The following MACROD2 variants were observed in gnomAD, a reference collection of about 807,000 sequenced individuals.
MACROD2 encodes ADP-ribose glycohydrolase MACROD2.
Under a neutral mutation model 70.4 loss-of-function variants are expected in MACROD2, and 36 were observed. That is an observed-to-expected ratio of 0.51 (90% CI 0.39 to 0.68). The LOEUF (loss-of-function observed/expected upper bound fraction) is 0.68, where lower values mean the gene tolerates loss of function less well. Among genes scored for constraint, MACROD2 ranks in the 30% least tolerant of loss-of-function variants. MACROD2 has a pLI of 0.00. For synonymous variants in MACROD2, 172 were observed against 178.8 expected, an observed-to-expected ratio of 0.96 and a Z score of 0.30; for missense variants, 496 against 538.4, an observed-to-expected ratio of 0.92 and a Z score of 0.78.
intron 5 of MACROD2, among the ~76,000 whole-genome samples, chr20:14,892,448 T>A (rs971078852): frequency 6.6e-6 from 1 of 151,908 alleles, no homozygotes; most frequent in East Asian, 1.9e-4. Flanking sequence ...GGCAATAGAG[T>A]GAGACTCCAT....
intron 10 of MACROD2, among the ~76,000 whole-genome samples, chr20:15,928,581 C>T (rs1230485073): frequency 1.3e-5 from 2 of 152,230 alleles, no homozygotes; most frequent in South Asian, 2.1e-4. Flanking sequence ...AATCTTAACA[C>T]GCCTGTGTCT....
chr20:14,205,315 C>T (rs1372074011), intron 3 of MACROD2, among the ~76,000 whole-genome samples: 1 of 152,122 alleles, frequency 6.6e-6, no homozygotes. Context: ...GTCTCATGAC[C>T]AGGAAGAAAT....
intron 5 of MACROD2, among the ~76,000 whole-genome samples, chr20:15,098,357 G>A (rs115152200): frequency 0.034 from 5,203 of 152,170 alleles, 146 homozygotes; most frequent in South Asian, 0.11. Flanking sequence ...TTTGGGTGGC[G>A]GCTCTGTAGC....
At chr20:14,486,426 A>T (rs888034720) in intron 3 of MACROD2, among the ~76,000 whole-genome samples, 3 of 151,806 alleles carry the variant, frequency 2.0e-5, no homozygotes, top group African/African-American at 7.3e-5. Context: ...AAGTACCTAG[A>T]TCAGCAGCCT....
At chr20:15,588,486 G>T (rs1352062205) in intron 8 of MACROD2, among the ~76,000 whole-genome samples, 1 of 152,048 alleles carries the variant, frequency 6.6e-6, no homozygotes, top group Non-Finnish European at 1.5e-5. Context: ...AAAAAAATGG[G>T]GTTTTCTTTT....
At chr20:15,120,958 G>A (rs189524956) in intron 5 of MACROD2, among the ~76,000 whole-genome samples, 4 of 152,232 alleles carry the variant, frequency 2.6e-5, no homozygotes, top group East Asian at 1.9e-4. Flanking sequence ...ATCCAGAAGC[G>A]CTGTCGGAAA....
intron 13 of MACROD2, among the ~76,000 whole-genome samples, chr20:15,983,428 A>G (rs1372863023): frequency 6.6e-6 from 1 of 152,170 alleles, no homozygotes; most frequent in African/African-American, 2.4e-5. Context: ...ACCACCACAC[A>G]TCTGCTTGGG....
intron 8 of MACROD2, among the ~76,000 whole-genome samples, chr20:15,749,177 T>C (rs2051231242): frequency 6.6e-6 from 1 of 152,142 alleles, no homozygotes; most frequent in South Asian, 2.1e-4. Flanking sequence ...ATATCTTAAA[T>C]TGTTTTTTAT....
At chr20:15,309,255 G>T (rs1420584466) in intron 6 of MACROD2, among the ~76,000 whole-genome samples, 1 of 152,168 alleles carries the variant, frequency 6.6e-6, no homozygotes, top group Non-Finnish European at 1.5e-5. Flanking sequence ...AGAATTTCTA[G>T]AATTTGCTTC....
chr20:14,684,658 C>G (rs12329495), intron 4 of MACROD2, among the ~76,000 whole-genome samples, 185 bp from the exon 5 acceptor site: 8 of 146,996 alleles, frequency 5.4e-5, no homozygotes, highest in South Asian at 2.2e-4. Context: ...ACCCCCCCCC[C>G]CCGGCCCCCG....
intron 4 of MACROD2, among the ~76,000 whole-genome samples, chr20:14,530,163 G>C (rs187838176): frequency 2.0e-5 from 3 of 152,294 alleles, no homozygotes; most frequent in Admixed American, 2.0e-4. Flanking sequence ...GTTATCTGTT[G>C]AGAAACTCAG....
intron 3 of MACROD2, chr20:14,325,923 A>T (rs748332848): frequency 3.1e-6 from 5 of 1,613,838 alleles, no homozygotes; most frequent in Non-Finnish European, 4.2e-6. Flanking sequence ...TGGCAGCCAA[A>T]GGTAAATTGG....
chr20:15,193,193 T>C (rs6110546), intron 5 of MACROD2, among the ~76,000 whole-genome samples: 63,374 of 152,126 alleles, frequency 0.42, 14,407 homozygotes, highest in East Asian at 0.75. Flanking sequence ...TGTTTTCTTA[T>C]AAGTTTTCTG....
chr20:16,014,714 C>T (rs1337187986), intron 15 of MACROD2, among the ~76,000 whole-genome samples: 1 of 152,208 alleles, frequency 6.6e-6, no homozygotes, highest in Non-Finnish European at 1.5e-5. Flanking sequence ...TACACCTGAC[C>T]TTCCTTCCAT....
chr20:15,207,443 T>TTTG (rs1389397458), intron 5 of MACROD2, among the ~76,000 whole-genome samples: 1 of 134,456 alleles, frequency 7.4e-6, no homozygotes, highest in Non-Finnish European at 1.6e-5. Context: ...CTGGTTTTTT[T>TTTG]TTTTTTTTTT....
At chr20:15,212,351 C>A (rs1420764501) in intron 5 of MACROD2, among the ~76,000 whole-genome samples, 1 of 152,156 alleles carries the variant, frequency 6.6e-6, no homozygotes, top group Non-Finnish European at 1.5e-5. Flanking sequence ...TAAATTATTT[C>A]AACTAATGTC....
chr20:15,740,967 T>C (rs2051096034), intron 8 of MACROD2, among the ~76,000 whole-genome samples: 1 of 151,988 alleles, frequency 6.6e-6, no homozygotes, highest in South Asian at 2.1e-4. Flanking sequence ...GTGAGAGTGG[T>C]CCTTCAAAAC....
chr20:16,050,063 A>T lies in MACROD2; in HGVS notation c.*187A>T, dbSNP rs554303368. The stretch of plus-strand genomic sequence containing the variant: ...GCAGAAAAAGAAAGAAAAAAAAGAA[A>T]AAAAAAGTTTCCTTTAATTTGGTGG... On this transcript the variant is annotated 3_prime_UTR_variant, in exon 18 of 18. Transcript: ENST00000684519. The T allele has an allele frequency of 2.4e-4, 137 of 562,156 alleles. 2 individuals are homozygous for T. The South Asian group carries it at 3.6e-3, about 15-fold the overall frequency. 34.8% of individuals were successfully genotyped at this position (562,156 alleles called of 1,614,324 possible). A position where few individuals can be genotyped will look rare whatever the true frequency, so the allele number is the denominator to read the frequency against.
At chr20:16,047,680 C>A (rs957366848) in intron 17 of MACROD2, among the ~76,000 whole-genome samples, 3 of 29,038 alleles carry the variant, frequency 1.0e-4, no homozygotes, top group African/African-American at 1.8e-4. Flanking sequence ...CCAGCAGGTA[C>A]CACCCTCAAG....
Sources: allele counts gnomAD v4.1 joint callset (sites outside exome capture counted in the v4.1 genomes callset), GRCh38; gene constraint gnomAD v4.1.1; transcripts MANE v1.5; gene names NCBI Gene and HGNC (gene_info 2026-07-23, HGNC 2026-07-21).